MZT2A: variants seen among roughly 807,000 people sequenced by gnomAD.
MZT2A encodes mitotic-spindle organizing protein 2A.
MZT2A carries 8 observed loss-of-function variants against 12.4 expected under a neutral mutation model. The observed-to-expected ratio is 0.64, with a 90% CI of 0.38 to 1.16. MZT2A has a LOEUF of 1.16. Among genes scored for constraint, MZT2A ranks in the 50% most tolerant of loss-of-function variants. The pLI, the probability that MZT2A is intolerant of heterozygous loss-of-function variation, is 0.01. For synonymous variants in MZT2A, 88 were observed against 107.5 expected (o/e 0.82, Z 1.12); for missense variants, 181 against 223.6 (o/e 0.81, Z 1.22).
chr2:131,483,952 A>C (rs1229929643), downstream of MZT2A: 170 of 1,456,870 alleles, frequency 1.2e-4, no homozygotes, highest in Non-Finnish European at 1.5e-4. Context: ...AAAACAGTAG[A>C]GAGCATCTGA....
intron 2 of MZT2A, among the ~76,000 whole-genome samples, chr2:131,487,500 TAAAAGA>T (rs1260483834): frequency 6.6e-6 from 1 of 152,168 alleles, no homozygotes; most frequent in Non-Finnish European, 1.5e-5. Context: ...AAATAAAAAG[TAAAAGA>T]AAATGCACAA....
intron 2 of MZT2A, chr2:131,478,682 G>C (rs1202560734): frequency 1.9e-6 from 1 of 525,412 alleles, no homozygotes; most frequent in Non-Finnish European, 3.3e-6. Flanking sequence ...TGCCTGCAGG[G>C]TGCAGTGGCA....
chr2:131,479,263 A>G, downstream of MZT2A: 1 of 1,595,902 alleles, frequency 6.3e-7, no homozygotes, highest in Non-Finnish European at 8.6e-7. Context: ...CATCTTGGTG[A>G]GTACAGGCCT....
upstream of MZT2A, among the ~76,000 whole-genome samples, chr2:131,493,564 A>C (rs991207209): frequency 1.3e-5 from 2 of 152,164 alleles, no homozygotes; most frequent in African/African-American, 2.4e-5. Context: ...CCCAATTCGC[A>C]GGAGAGTTGG....
rs1273496647 is a variant in MZT2A, at chr2:131,491,869, C to T, written c.319+7G>A. ...ACTGGGGCAGGGACAGCGGGCCCAG[C>T]TCTGACCTCGGGTCTCGGGCACGCT... is the stretch of plus-strand genomic sequence containing the variant. On this transcript the variant is annotated splice_region_variant and intron_variant, in intron 2 of 2. Coordinates refer to ENST00000309451, the MANE Select transcript of MZT2A (RefSeq NM_001085365.2). 1.4e-6 allele frequency: 2 copies of T among 1,475,478 alleles called. No individual in the cohort carries two copies. The highest frequency in any genetic ancestry group is 2.7e-5 in the South Asian group (2 of 74,672). 91.4% of individuals were successfully genotyped at this position (1,475,478 alleles called of 1,614,324 possible).
downstream of MZT2A, chr2:131,480,437 G>A: frequency 3.1e-6 from 5 of 1,589,070 alleles, no homozygotes; most frequent in Non-Finnish European, 4.3e-6. Flanking sequence ...ATGGGGCCCT[G>A]AATGTGGACT....
At chr2:131,479,076 G>T (rs1194045986), downstream of MZT2A, among the ~76,000 whole-genome samples, 1 of 152,270 alleles carries the variant, frequency 6.6e-6, no homozygotes, top group African/African-American at 2.4e-5. Context: ...AACTGGTTGT[G>T]CTGACATTTA....
chr2:131,471,907 C>G (rs1389063025), intron 3 of MZT2A, among the ~76,000 whole-genome samples: 1 of 152,220 alleles, frequency 6.6e-6, no homozygotes, highest in African/African-American at 2.4e-5. Flanking sequence ...CTGGGCACAG[C>G]AGGGGCCCTA....
At position 131,484,013 on chromosome 2, in the gene MZT2A, CAT is replaced by C. The variant is rs763983146; in HGVS notation, c.*46_*47del. ...GTTTATTATCAACTGAAGGAGGTAA[CAT>C]GTAGCCTTTGCTGGGGACAAAGATG... On this transcript the variant is annotated 3_prime_UTR_variant, in exon 3 of 3. Coordinates refer to ENST00000309451, the MANE Select transcript of MZT2A (RefSeq NM_001085365.2). The C allele has an allele frequency of 3.2e-5, 51 of 1,569,990 alleles. No individual in the cohort carries two copies. The highest frequency in any genetic ancestry group is 4.3e-5 in the Non-Finnish European group (50 of 1,152,692).
chr2:131,487,579 C>T (rs1464578994), intron 2 of MZT2A, among the ~76,000 whole-genome samples: 2 of 152,188 alleles, frequency 1.3e-5, no homozygotes, highest in Non-Finnish European at 2.9e-5. Flanking sequence ...GTAGTCAGTA[C>T]ATAAATTATT....
chr2:131,474,197 ATGCCATCCTCCTGCCT>A (rs1190443631), intron 2 of MZT2A, among the ~76,000 whole-genome samples: 1 of 150,786 alleles, frequency 6.6e-6, no homozygotes, highest in Admixed American at 6.6e-5. Flanking sequence ...TCCCGGGTTC[ATGCCATCCTCCTGCCT>A]CGGCATCCAG....
At chr2:131,480,447 T>C (rs1678819735), downstream of MZT2A, 2 of 1,589,270 alleles carry the variant, frequency 1.3e-6, no homozygotes, top group African/African-American at 1.7e-5. Context: ...GAATGTGGAC[T>C]TGACGGAATT....
upstream of MZT2A, chr2:131,493,054 C>T (rs1465816559): frequency 5.7e-5 from 85 of 1,489,704 alleles, no homozygotes; most frequent in Middle Eastern, 1.8e-4. Flanking sequence ...GGGCGTGGCT[C>T]TGCGCGCAGC....
rs1356677024 is a variant in MZT2A, at chr2:131,484,008, G to A, written c.*53C>T. The A allele has an allele frequency of 6.4e-6, 10 of 1,558,294 alleles. No individual in the cohort carries two copies. Among genetic ancestry groups the A allele is most frequent in the Non-Finnish European group, 8.7e-6 (10 of 1,147,902 alleles). On this transcript the variant is annotated 3_prime_UTR_variant, in exon 3 of 3. Coordinates refer to ENST00000309451, the MANE Select transcript of MZT2A (RefSeq NM_001085365.2). Reference sequence around the variant, plus strand: ...GAAAGGTTTATTATCAACTGAAGGAGGTAACATGTAGCCTTTGCTGGGGAC... The same window carrying A: ...GAAAGGTTTATTATCAACTGAAGGAAGTAACATGTAGCCTTTGCTGGGGAC...
rs193125577 is a variant in MZT2A at position 131,471,776 on chromosome 2, C to T, written c.393+292G>A. Among the ~76,000 whole-genome samples, 129 of 151,790 alleles carry T rather than the reference C, an allele frequency of 8.5e-4. 1 individual carries two copies. The highest frequency in any genetic ancestry group is 3.4e-3 in the Middle Eastern group (1 of 294). On this transcript the variant is annotated intron_variant and NMD_transcript_variant, in intron 3 of 4. Coordinates refer to the MZT2A transcript ENST00000427024. Reference sequence around the variant, plus strand: ...GCTGGGGGAGTTGCTGCTTACTCCGCGGGGTTGAACTGGAGATGGCAGATG... The same window carrying T: ...GCTGGGGGAGTTGCTGCTTACTCCGTGGGGTTGAACTGGAGATGGCAGATG...
upstream of MZT2A, chr2:131,492,998 A>C: frequency 6.6e-7 from 1 of 1,512,874 alleles, no homozygotes; most frequent in Non-Finnish European, 8.9e-7. Context: ...GTACCTTTTG[A>C]GGTAACGGCC....
chr2:131,484,267 T>C (rs1254912839), intron 2 of MZT2A, 49 bp from the exon 3 acceptor site: 4 of 1,595,494 alleles, frequency 2.5e-6, no homozygotes, highest in Non-Finnish European at 8.6e-7. Context: ...GCCCCATAAA[T>C]GCAGCACCTG....
At chr2:131,478,496 G>T (rs2105269452) in intron 2 of MZT2A, 9 of 1,361,890 alleles carry the variant, frequency 6.6e-6, no homozygotes, top group Non-Finnish European at 8.9e-6. Context: ...GGATAGACAG[G>T]CATATGCCCA....
chr2:131,492,033 G>A lies in MZT2A; in HGVS notation c.171-9C>T, dbSNP rs760861538. The stretch of plus-strand genomic sequence containing the variant: ...GCAGGTCCACCAGGATCCTGGCGGG[G>A]ACAGACGCGGGGCCGGTGAGCCCTC... On this transcript the variant is annotated splice_polypyrimidine_tract_variant and intron_variant, in intron 1 of 2. Transcript: ENST00000309451. 208 of 1,548,674 alleles carry A rather than the reference G, an allele frequency of 1.3e-4. 1 individual carries two copies. Among genetic ancestry groups the A allele is most frequent in the Non-Finnish European group, 1.2e-5 (14 of 1,147,744 alleles).
Sources: allele counts gnomAD v4.1 joint callset (sites outside exome capture counted in the v4.1 genomes callset), GRCh38; gene constraint gnomAD v4.1.1; transcripts MANE v1.5; gene names NCBI Gene and HGNC (gene_info 2026-07-23, HGNC 2026-07-21).